The following XIRP2 variants were observed in gnomAD, a reference collection of about 807,000 sequenced individuals.
XIRP2 encodes the protein xin actin-binding repeat-containing protein 2.
Under a neutral mutation model 277.0 loss-of-function variants are expected in XIRP2, and 236 were observed. That is an observed-to-expected ratio of 0.85 (90% CI 0.77 to 0.95). XIRP2 has a LOEUF of 0.95. XIRP2 is among the 40% of genes least tolerant of loss of function. The pLI is 0.00. For missense variants in XIRP2, 4,640 were observed against 4,157.5 expected (o/e 1.12, Z -3.19); for synonymous variants, 1,490 against 1,416.5 (o/e 1.05, Z -1.17).
chr2:167,117,637 T>C (rs1690932073), intron 2 of XIRP2, among the ~76,000 whole-genome samples: 1 of 152,236 alleles, frequency 6.6e-6, no homozygotes, highest in African/African-American at 2.4e-5. Context: ...CAGTCTAATC[T>C]ACACCCAGCT....
chr2:167,070,141 G>T (rs746263883), intron 2 of XIRP2, among the ~76,000 whole-genome samples: 29 of 151,600 alleles, frequency 1.9e-4, no homozygotes, highest in Non-Finnish European at 3.1e-4. Context: ...CTGAACTTCT[G>T]CTTGTAGAAG....
intron 8 of XIRP2, among the ~76,000 whole-genome samples, chr2:167,242,294 G>GA (rs770682497): frequency 9.2e-5 from 14 of 152,040 alleles, no homozygotes; most frequent in Admixed American, 3.3e-4. Flanking sequence ...CACATTAAGG[G>GA]AAAAAGAATC....
At chr2:166,978,517 C>A (rs1277372290) in intron 2 of XIRP2, among the ~76,000 whole-genome samples, 2 of 151,982 alleles carry the variant, frequency 1.3e-5, no homozygotes, top group African/African-American at 2.4e-5. Context: ...CATAGTATAT[C>A]GTTCTATTTA....
intron 2 of XIRP2, among the ~76,000 whole-genome samples, chr2:166,910,983 G>T (rs1457574800): frequency 2.4e-4 from 36 of 151,948 alleles, no homozygotes; most frequent in Admixed American, 1.8e-3. Context: ...AGAGACAGGT[G>T]GTTATAATTT....
In XIRP2 at chr2:167,243,352, G is replaced by A. The variant is rs1370224394; in HGVS notation, c.1960G>A (p.Ala654Thr). 1.2e-6 allele frequency: 2 copies of A among 1,614,100 alleles called. No individual in the cohort carries two copies. The highest frequency in any genetic ancestry group is 3.3e-5 in the Admixed American group (2 of 60,022). ...PELARGDVCT[A>T]RWMFETRPLD... Reference sequence around the variant, plus strand: ...GCTAGCCAGAGGAGATGTCTGCACAGCTCGGTGGATGTTTGAAACAAGGCC... The same window carrying A: ...GCTAGCCAGAGGAGATGTCTGCACAACTCGGTGGATGTTTGAAACAAGGCC... The change falls in exon 9 of 11, where the codon GCT (alanine) becomes ACT (threonine). Residue 654 changes from alanine (A) to threonine (T), a missense_variant. By Grantham distance (58) the Ala-to-Thr change is moderately conservative. Transcript: ENST00000409195.
chr2:167,203,903 A>G (rs1351915563), intron 3 of XIRP2, among the ~76,000 whole-genome samples: 1 of 152,326 alleles, frequency 6.6e-6, no homozygotes, highest in East Asian at 1.9e-4. Flanking sequence ...ATTATAGATC[A>G]TGTATTTAAG....
At chr2:167,001,463 A>G (rs1197396807) in intron 2 of XIRP2, among the ~76,000 whole-genome samples, 2 of 152,192 alleles carry the variant, frequency 1.3e-5, no homozygotes, top group Admixed American at 6.6e-5. Context: ...ATGTTTTCTT[A>G]CTATTTTCTA....
chr2:167,063,940 A>AT (rs1689235720), intron 2 of XIRP2, among the ~76,000 whole-genome samples: 3 of 151,510 alleles, frequency 2.0e-5, no homozygotes, highest in Admixed American at 2.0e-4. Context: ...CTATATTAGT[A>AT]TAATATCTAC....
intron 3 of XIRP2, among the ~76,000 whole-genome samples, chr2:167,173,069 G>A (rs902874719): frequency 6.6e-6 from 1 of 152,168 alleles, no homozygotes; most frequent in South Asian, 2.1e-4. Flanking sequence ...TCCATCCGGG[G>A]TCCCTGACTT....
chr2:167,249,940 C>T lies in XIRP2; in HGVS notation c.8548C>T (p.Pro2850Ser), dbSNP rs1695418807. The T allele has an allele frequency of 3.1e-6, 5 of 1,613,474 alleles. No homozygotes were observed. The highest frequency in any genetic ancestry group is 4.2e-6 in the Non-Finnish European group (5 of 1,179,678). ...CGAACATCTGAAGAATAAATCAGCA[C>T]CAAAGGTCGTCAAGCAAAAGGTTAT... ...KHEHLKNKSA[P>S]KVVKQKVIDA... The change falls in exon 9 of 11, where the codon CCA (proline) becomes TCA (serine). Residue 2850 changes from proline (P) to serine (S), a missense_variant. Physicochemically the swap from Pro to Ser is moderately conservative, Grantham distance 74. Coordinates refer to ENST00000409195, the MANE Select transcript of XIRP2 (RefSeq NM_152381.6).
intron 2 of XIRP2, among the ~76,000 whole-genome samples, chr2:167,070,625 C>CAA (rs1689414140): frequency 6.6e-6 from 1 of 152,118 alleles, no homozygotes; most frequent in Admixed American, 6.6e-5. Context: ...TCTTATCAGA[C>CAA]AATAAAAATA....
rs927854253 is a variant in XIRP2 at position 167,251,840 on chromosome 2, C to T, written c.10448C>T (p.Thr3483Met). The T allele has an allele frequency of 9.3e-6, 15 of 1,612,926 alleles. No homozygotes were observed. The highest frequency in any genetic ancestry group is 2.2e-5 in the South Asian group (2 of 91,014). ...PKEVRKNFQK[T>M]WQESGRVFKG... ...GAAGTAAGAAAAAATTTTCAAAAGA[C>T]GTGGCAAGAGAGTGGAAGAGTTTTT... is the stretch of plus-strand genomic sequence containing the variant. The change falls in exon 9 of 11, where the codon ACG becomes ATG. Residue 3483 changes from threonine to methionine, a missense_variant. Transcript: ENST00000409195.
chr2:166,942,471 A>T (rs1296301442), intron 2 of XIRP2, among the ~76,000 whole-genome samples: 1 of 152,210 alleles, frequency 6.6e-6, no homozygotes. Flanking sequence ...GGTCATTTGC[A>T]ACTGCGGGCA....
rs57891873 is a variant in XIRP2 at position 166,998,156 on chromosome 2, C to T, written c.408+94266C>T. Among the ~76,000 whole-genome samples the T allele has an allele frequency of 6.1e-3, 932 of 152,214 alleles. 77 individuals are homozygous for T. In the East Asian group the frequency reaches 0.16, roughly 26 times the overall value. ...ATTTTGCATTGATTCCATGTCTTTGCTATTGTGAATAGTGCTGCAATGAAC... is the reference window on the plus strand; with the variant it reads ...ATTTTGCATTGATTCCATGTCTTTGTTATTGTGAATAGTGCTGCAATGAAC... On this transcript the variant is annotated intron_variant, in intron 2 of 10. Coordinates refer to ENST00000409195, the MANE Select transcript of XIRP2 (RefSeq NM_152381.6).
intron 2 of XIRP2, among the ~76,000 whole-genome samples, chr2:167,084,213 C>A (rs987326012): frequency 1.3e-5 from 2 of 152,046 alleles, no homozygotes; most frequent in African/African-American, 2.4e-5. Context: ...TGGTTTTTGT[C>A]TTTGGTTCTG....
In XIRP2 at chr2:167,042,536, A is replaced by T. The variant is rs1688685340; in HGVS notation, c.409-93373A>T. Among the ~76,000 whole-genome samples, 3 of 152,298 alleles carry T rather than the reference A, an allele frequency of 2.0e-5. No homozygotes were observed. The South Asian group carries it at 6.2e-4, about 32-fold the overall frequency. ...GAAAATGAAACGAACGAACAAACAAAAAAATGAACAGGGGTTGCCATTCTT... is the reference window on the plus strand; with the variant it reads ...GAAAATGAAACGAACGAACAAACAATAAAATGAACAGGGGTTGCCATTCTT... On this transcript the variant is annotated intron_variant, in intron 2 of 10. Transcript: ENST00000409195.
chr2:167,019,098 A>G (rs1687914069), intron 2 of XIRP2, among the ~76,000 whole-genome samples: 1 of 151,972 alleles, frequency 6.6e-6, no homozygotes, highest in South Asian at 2.1e-4. Flanking sequence ...AATCTGTACA[A>G]CACAGAGATG....
chr2:167,191,805 T>C (rs1381316966), intron 3 of XIRP2, among the ~76,000 whole-genome samples: 1 of 152,208 alleles, frequency 6.6e-6, no homozygotes, highest in Admixed American at 6.5e-5. Context: ...ATTATATCCT[T>C]GTTGCCTGGT....
chr2:167,214,226 G>GAGGGAGGA lies in XIRP2; in HGVS notation c.723+3334_723+3335insGAGGAAGG, dbSNP rs1323240476. Reference sequence around the variant, plus strand: ...AAAGAGAGGGAGGGAGGGAGGGAGGGAGGAAGGAAGGAAGGAAGGAAGGAA... The same window carrying GAGGGAGGA: ...AAAGAGAGGGAGGGAGGGAGGGAGGGAGGGAGGAAGGAAGGAAGGAAGGAAGGAAGGAA... On this transcript the variant is annotated intron_variant, in intron 4 of 10. Transcript: ENST00000409195. Among the ~76,000 whole-genome samples, 26 of 67,330 alleles carry GAGGGAGGA rather than the reference G, an allele frequency of 3.9e-4. 2 individuals are homozygous for GAGGGAGGA. The highest frequency in any genetic ancestry group is 1.6e-3 in the East Asian group (3 of 1,858). 44.2% of individuals were successfully genotyped at this position (67,330 alleles called of 152,430 possible). A position where few individuals can be genotyped will look rare whatever the true frequency, so the allele number is the denominator to read the frequency against.
Sources: gnomAD v4.1 joint callset for allele counts (sites outside exome capture counted in the v4.1 genomes callset) on GRCh38, gnomAD v4.1.1 for gene constraint, MANE v1.5 for transcripts, NCBI Gene and HGNC (gene_info 2026-07-23, HGNC 2026-07-21) for gene names.